Variants in PRPH2 observed in about 807,000 individuals in gnomAD.
PRPH2 encodes peripherin 2.
PRPH2 carries 17 observed loss-of-function variants against 31.3 expected under a neutral mutation model. The ratio of observed to expected loss-of-function variants is 0.54; its 90% CI spans 0.37 to 0.81. PRPH2 has a LOEUF of 0.81. PRPH2 is among the 40% of genes least tolerant of loss of function. The probability of loss-of-function intolerance (pLI) is 0.00; values close to 1 mark genes in which losing one functional copy is unlikely to be tolerated. For synonymous variants in PRPH2, 165 were observed against 184.4 expected, an observed-to-expected ratio of 0.89 and a Z score of 0.85; for missense variants, 430 against 439.7, an observed-to-expected ratio of 0.98 and a Z score of 0.20.
intron 2 of PRPH2, among the ~76,000 whole-genome samples, chr6:42,704,115 TA>T (rs1582764149): frequency 1.7e-5 from 2 of 117,242 alleles, no homozygotes; most frequent in East Asian, 3.0e-4. Flanking sequence ...AAAAAAAAAA[TA>T]AAAAAAATAA....
In PRPH2 at chr6:42,722,059, G is replaced by A; in HGVS notation, c.276C>T (p.Ala92=). The change falls in exon 1 of 3, where the codon GCC becomes GCT. Residue 92 remains alanine (A), a synonymous_variant. Coordinates refer to ENST00000230381, the MANE Select transcript of PRPH2 (RefSeq NM_000322.5). The surrounding 1 kb of genome is among the most constrained non-coding windows in gnomAD (Gnocchi z 4.4). ...ACGGCTTCAGCCAGGGCTTCCATCT[G>A]GCATACTTGGCTGGGTCCAGGGCGT... is the stretch of plus-strand genomic sequence containing the variant. ...CYDALDPAKY[A]RWKPWLKPYL... 1 of 1,614,142 alleles carries A rather than the reference G, an allele frequency of 6.2e-7. No homozygotes were observed. The highest frequency in any genetic ancestry group is 1.3e-5 in the African/African-American group (1 of 75,032).
At chr6:42,712,052 T>C in intron 1 of PRPH2, 1 of 804,382 alleles carries the variant, frequency 1.2e-6, no homozygotes. Flanking sequence ...CTGAGCCTGA[T>C]CCAACCATAC....
intron 1 of PRPH2, among the ~76,000 whole-genome samples, chr6:42,719,264 C>G (rs7752711): frequency 0.59 from 89,006 of 151,038 alleles, 26,252 homozygotes; most frequent in African/African-American, 0.65. Flanking sequence ...CGCCTCCCTG[C>G]TTCTCTGGTT....
intron 1 of PRPH2, among the ~76,000 whole-genome samples, chr6:42,712,415 G>C (rs1042001393): frequency 1.3e-5 from 2 of 152,072 alleles, no homozygotes; most frequent in African/African-American, 4.8e-5. Flanking sequence ...AGAAACAAAA[G>C]GGCAAAAAAC....
At chr6:42,713,544 C>T (rs890920584) in intron 1 of PRPH2, among the ~76,000 whole-genome samples, 4 of 152,170 alleles carry the variant, frequency 2.6e-5, no homozygotes, top group Non-Finnish European at 5.9e-5. Flanking sequence ...GAATCCGAAC[C>T]TAATCCATCC....
intron 2 of PRPH2, 98 bp downstream of exon 2, chr6:42,704,267 A>G (rs763194189): frequency 1.1e-4 from 161 of 1,491,246 alleles, no homozygotes; most frequent in Middle Eastern, 2.3e-4. Flanking sequence ...GTTTCCAAAG[A>G]GGGAGGCATG....
At chr6:42,706,222 G>A (rs1458701010) in intron 1 of PRPH2, among the ~76,000 whole-genome samples, 3 of 151,780 alleles carry the variant, frequency 2.0e-5, no homozygotes, top group East Asian at 1.9e-4. Flanking sequence ...TGGCTAACAC[G>A]GTGAAACCCC....
chr6:42,705,579 AAAAAAAAAAAAAAAAAAAAAAT>A (rs1800139376), intron 1 of PRPH2, among the ~76,000 whole-genome samples: 1 of 11,860 alleles, frequency 8.4e-5, no homozygotes, highest in African/African-American at 2.2e-4. Context: ...TTCTCTAAAA[AAAAAAAAAAAAAAAAAAAAAAT>A]ATATATATAT....
intron 1 of PRPH2, among the ~76,000 whole-genome samples, chr6:42,705,599 AATATATATATATATATATAT>A (rs1194169404): frequency 1.4e-4 from 3 of 21,600 alleles, no homozygotes; most frequent in African/African-American, 1.8e-4. Context: ...AAAAAAAAAA[AATATATATATATATATATAT>A]ATATATATAT....
At chr6:42,720,978 C>T (rs1412534905) in intron 1 of PRPH2, among the ~76,000 whole-genome samples, 2 of 152,204 alleles carry the variant, frequency 1.3e-5, no homozygotes, top group Admixed American at 1.3e-4. Flanking sequence ...TTTACATATG[C>T]CAAGAATACT....
At position 42,722,433 on chromosome 6, in the gene PRPH2, A is replaced by C; in HGVS notation, c.-99T>G. ...AGACTTAGGGCCTTGGGAAAAGTGC[A>C]GATGGCCCAAGCTGTAGGGAGCTGC... On this transcript the variant is annotated 5_prime_UTR_variant, in exon 1 of 3. Coordinates refer to ENST00000230381, the MANE Select transcript of PRPH2 (RefSeq NM_000322.5). This position sits in a 1 kb window ranked among gnomAD's most constrained non-coding sequence, Gnocchi z 4.4. 1.3e-6 allele frequency: 2 copies of C among 1,556,958 alleles called. No homozygotes were observed. The highest frequency in any genetic ancestry group is 4.7e-5 in the East Asian group (2 of 42,740).
chr6:42,707,872 G>A (rs1800196757), intron 1 of PRPH2, among the ~76,000 whole-genome samples: 1 of 152,276 alleles, frequency 6.6e-6, no homozygotes, highest in Admixed American at 6.5e-5. Flanking sequence ...GCACAGATCG[G>A]TGACAAGAGC....
At chr6:42,719,386 G>A (rs985140225) in intron 1 of PRPH2, among the ~76,000 whole-genome samples, 2 of 151,846 alleles carry the variant, frequency 1.3e-5, no homozygotes, top group Non-Finnish European at 2.9e-5. Context: ...ATTTTGGTCA[G>A]GCTGGTTTCG....
intron 2 of PRPH2, among the ~76,000 whole-genome samples, chr6:42,702,070 G>A (rs1202410465): frequency 2.0e-5 from 3 of 151,780 alleles, no homozygotes; most frequent in Non-Finnish European, 4.4e-5. Flanking sequence ...GTCAAACCTC[G>A]TCTCTACTAA....
intron 1 of PRPH2, among the ~76,000 whole-genome samples, chr6:42,709,187 G>A (rs376964158): frequency 5.1e-4 from 77 of 152,056 alleles, no homozygotes; most frequent in African/African-American, 1.4e-3. Context: ...AAAATTAGCC[G>A]GGCGTGGTGG....
Position 42,696,917 on chromosome 6 carries a change from A to G in PRPH2, c.*1378T>C, listed in dbSNP as rs1287255215. ...GCACCAGAAGTCTTATTTTCTCTAC[A>G]CTGAAGTTCTTAGGACAGCAGAGAA... On this transcript the variant is annotated 3_prime_UTR_variant, in exon 3 of 3. Transcript: ENST00000230381. The G allele has an allele frequency of 1.3e-5, 2 of 152,000 alleles. No individual in the cohort carries two copies. Among genetic ancestry groups the G allele is most frequent in the Non-Finnish European group, 2.9e-5 (2 of 68,032 alleles). The allele number at this position is 152,000 out of a possible 1,614,324, so 9.4% of individuals were successfully genotyped here. A position where few individuals can be genotyped will look rare whatever the true frequency, so the allele number is the denominator to read the frequency against.
intron 1 of PRPH2, among the ~76,000 whole-genome samples, chr6:42,706,975 CTTTT>C (rs34162811): frequency 8.1e-6 from 1 of 123,638 alleles, no homozygotes; most frequent in Non-Finnish European, 1.6e-5. Flanking sequence ...TCTTGGAGAT[CTTTT>C]TTTTTTTTTT....
intron 1 of PRPH2, among the ~76,000 whole-genome samples, chr6:42,713,539 C>T (rs1562428983): frequency 6.6e-6 from 1 of 152,112 alleles, no homozygotes; most frequent in Admixed American, 6.6e-5. Flanking sequence ...CACTGGAATC[C>T]GAACCTAATC....
In PRPH2 at chr6:42,701,682, A is replaced by ATTTTTTTTTTTTTTTT. The variant is rs70990127; in HGVS notation, c.828+2667_828+2682dup. 5.0e-4 allele frequency among the ~76,000 whole-genome samples: 39 copies of ATTTTTTTTTTTTTTTT among 78,520 alleles called. 10 individuals are homozygous for ATTTTTTTTTTTTTTTT. The highest frequency in any genetic ancestry group is 7.0e-4 in the Non-Finnish European group (30 of 42,654). 51.5% of individuals were successfully genotyped at this position (78,520 alleles called of 152,430 possible). A position where few individuals can be genotyped will look rare whatever the true frequency, so the allele number is the denominator to read the frequency against. ...TAGGCATGCGCCACCACGTCCAGCA[A>ATTTTTTTTTTTTTTTT]TTTTTTTTTTTTTTTTTTTTTTTTT... On this transcript the variant is annotated intron_variant, in intron 2 of 2. Transcript: ENST00000230381.
Sources: allele counts gnomAD v4.1 joint callset (sites outside exome capture counted in the v4.1 genomes callset), GRCh38; gene constraint gnomAD v4.1.1; non-coding constraint Gnocchi (gnomAD v3.1); transcripts MANE v1.5; gene names NCBI Gene and HGNC (gene_info 2026-07-23, HGNC 2026-07-21).